Variants in ADAMTS3 observed in about 807,000 individuals in gnomAD.
The protein encoded by ADAMTS3 is A disintegrin and metalloproteinase with thrombospondin motifs 3.
In ADAMTS3, 73 loss-of-function variants were observed where a neutral mutation model predicts 129.0. The observed-to-expected ratio is 0.57, with a 90% CI of 0.47 to 0.69. The LOEUF is 0.69. Among genes scored for constraint, ADAMTS3 ranks in the 30% least tolerant of loss-of-function variants. The probability of loss-of-function intolerance (pLI) is 0.00; values close to 1 mark genes in which losing one functional copy is unlikely to be tolerated. For missense variants in ADAMTS3, 1,457 were observed against 1,514.5 expected (o/e 0.96, Z 0.63); for synonymous variants, 477 against 510.8 (o/e 0.93, Z 0.89).
At chr4:72,482,565 TTTTAGTCA>T (rs1270020665) in intron 3 of ADAMTS3, among the ~76,000 whole-genome samples, 3 of 152,120 alleles carry the variant, frequency 2.0e-5, no homozygotes, top group Non-Finnish European at 4.4e-5. Flanking sequence ...TGAGAAAGCC[TTTTAGTCA>T]TGTAACACAT....
At chr4:72,519,198 G>T (rs1379571690) in intron 3 of ADAMTS3, among the ~76,000 whole-genome samples, 1 of 152,100 alleles carries the variant, frequency 6.6e-6, no homozygotes, top group Non-Finnish European at 1.5e-5. Context: ...AGTTTCTGCC[G>T]AGAGATCCGC....
At chr4:72,549,287 CTGAT>C (rs1721550758) in intron 2 of ADAMTS3, among the ~76,000 whole-genome samples, 1 of 152,064 alleles carries the variant, frequency 6.6e-6, no homozygotes, top group Admixed American at 6.6e-5. Flanking sequence ...AAAAAGAATT[CTGAT>C]TGTTTTCATT....
At position 72,312,326 on chromosome 4, in the gene ADAMTS3, G is replaced by T; in HGVS notation, c.1886C>A (p.Thr629Asn). 5.6e-6 allele frequency: 9 copies of T among 1,613,754 alleles called. No homozygotes were observed. In the South Asian group the frequency reaches 8.8e-5, roughly 16 times the overall value. ...TTCATATGGCAACCAGTGGTGTTTG[G>T]TATTCTGGTATTCAAAGTGGGAGTT... ...QRNSHFEYQN[T>N]KHHWLPYEHP... Residue 629 changes from threonine (T) to asparagine (N), a missense_variant, in exon 13 of 22, where the codon ACC becomes AAC. Thr to Asn is a moderately conservative substitution (Grantham distance 65, BLOSUM62 0). Coordinates refer to ENST00000286657, the MANE Select transcript of ADAMTS3 (RefSeq NM_014243.3).
chr4:72,339,532 C>T lies in ADAMTS3; in HGVS notation c.823G>A (p.Glu275Lys). The change falls in exon 5 of 22, where the codon GAG (glutamate) becomes AAG (lysine). Residue 275 changes from glutamate (E) to lysine (K), a missense_variant. Coordinates refer to ENST00000286657, the MANE Select transcript of ADAMTS3 (RefSeq NM_014243.3). Reference sequence around the variant, plus strand: ...GTCAGGAGGTAGTTTTGGACGTGCTCTTTGCCATGGAAACGGACCACAGAG... The same window carrying T: ...GTCAGGAGGTAGTTTTGGACGTGCTTTTTGCCATGGAAACGGACCACAGAG... ...DDSVVRFHGKEHVQNYLLTLM... is the reference protein window; with the variant it reads ...DDSVVRFHGKKHVQNYLLTLM... The T allele has an allele frequency of 6.2e-7, 1 of 1,613,966 alleles. No individual in the cohort carries two copies.
Position 72,385,837 on chromosome 4 carries a change from C to A in ADAMTS3, c.661+28978G>T, listed in dbSNP as rs181226953. Among the ~76,000 whole-genome samples the A allele has an allele frequency of 9.2e-5, 14 of 152,098 alleles. No homozygotes were observed. In the East Asian group the frequency reaches 2.7e-3, roughly 29 times the overall value. On this transcript the variant is annotated intron_variant, in intron 4 of 21. Coordinates refer to ENST00000286657, the MANE Select transcript of ADAMTS3 (RefSeq NM_014243.3). ...CCATGTAACAAACCTGCACATGTAC[C>A]ACCTGAATCTAAAATAAAAGTTGGG...
intron 5 of ADAMTS3, among the ~76,000 whole-genome samples, chr4:72,328,819 C>A (rs1443500824): frequency 6.6e-6 from 1 of 152,034 alleles, no homozygotes; most frequent in African/African-American, 2.4e-5. Context: ...AACAAGATAG[C>A]CTGAGTGATT....
intron 3 of ADAMTS3, among the ~76,000 whole-genome samples, chr4:72,446,844 T>C (rs1248031147): frequency 6.6e-6 from 1 of 151,614 alleles, no homozygotes; most frequent in Non-Finnish European, 1.5e-5. Flanking sequence ...CCTTCTCTAG[T>C]TTGGCTGAAT....
chr4:72,448,515 T>C (rs903234558), intron 3 of ADAMTS3, among the ~76,000 whole-genome samples: 1 of 151,764 alleles, frequency 6.6e-6, no homozygotes, highest in Non-Finnish European at 1.5e-5. Flanking sequence ...ACTTGGCATG[T>C]CCTGAAATCA....
At chr4:72,325,587 G>A (rs1719678397) in intron 5 of ADAMTS3, among the ~76,000 whole-genome samples, 1 of 152,102 alleles carries the variant, frequency 6.6e-6, no homozygotes, top group African/African-American at 2.4e-5. Context: ...AATGCACTTT[G>A]TGTTAAAATA....
chr4:72,365,916 T>C (rs946555009), intron 4 of ADAMTS3, among the ~76,000 whole-genome samples: 1 of 152,150 alleles, frequency 6.6e-6, no homozygotes, highest in African/African-American at 2.4e-5. Context: ...TTCGAAAACA[T>C]GCAAAGTAAA....
intron 4 of ADAMTS3, among the ~76,000 whole-genome samples, chr4:72,406,250 C>T (rs1022221369): frequency 2.0e-5 from 3 of 152,014 alleles, no homozygotes; most frequent in Non-Finnish European, 4.4e-5. Flanking sequence ...CTAGCAGATA[C>T]CATGCAAAAA....
chr4:72,512,713 C>A (rs994810293), intron 3 of ADAMTS3, among the ~76,000 whole-genome samples: 3 of 152,000 alleles, frequency 2.0e-5, no homozygotes, highest in African/African-American at 7.2e-5. Flanking sequence ...CTCATGCCCC[C>A]CGTAAATATA....
intron 3 of ADAMTS3, among the ~76,000 whole-genome samples, chr4:72,451,483 G>A (rs930635730): frequency 6.6e-6 from 1 of 151,792 alleles, no homozygotes; most frequent in African/African-American, 2.4e-5. Flanking sequence ...AGGCATGGAA[G>A]CACTAGTGGA....
At chr4:72,548,079 C>T (rs11940040) in intron 3 of ADAMTS3, among the ~76,000 whole-genome samples, 47,073 of 152,012 alleles carry the variant, frequency 0.31, 7,475 homozygotes, top group East Asian at 0.42. Context: ...ACTTTCTTTA[C>T]GAGGATATCC....
chr4:72,406,359 T>G (rs1298218187), intron 4 of ADAMTS3, among the ~76,000 whole-genome samples: 1 of 152,190 alleles, frequency 6.6e-6, no homozygotes. Flanking sequence ...AGACATAAGA[T>G]GCATTCAACA....
At chr4:72,323,865 T>C (rs1281081471) in intron 5 of ADAMTS3, among the ~76,000 whole-genome samples, 1 of 152,186 alleles carries the variant, frequency 6.6e-6, no homozygotes, top group African/African-American at 2.4e-5. Context: ...CCAATTCTGT[T>C]TTATACAGAT....
chr4:72,539,613 G>A (rs576239000), intron 3 of ADAMTS3, among the ~76,000 whole-genome samples: 1 of 152,066 alleles, frequency 6.6e-6, no homozygotes, highest in Non-Finnish European at 1.5e-5. Context: ...TGGTCTGGCT[G>A]TGTCCCCACC....
intron 15 of ADAMTS3, among the ~76,000 whole-genome samples, chr4:72,307,264 T>C (rs1176452439): frequency 6.6e-6 from 1 of 152,042 alleles, no homozygotes; most frequent in Non-Finnish European, 1.5e-5. Flanking sequence ...GTTCAGCACT[T>C]TAGCCTGGGG....
intron 3 of ADAMTS3, among the ~76,000 whole-genome samples, chr4:72,517,193 A>G (rs1720512313): frequency 6.6e-6 from 1 of 152,084 alleles, no homozygotes; most frequent in African/African-American, 2.4e-5. Context: ...AGCCCACTTG[A>G]TCATGGTGGA....
Sources: gnomAD v4.1 joint callset for allele counts (sites outside exome capture counted in the v4.1 genomes callset) on GRCh38, gnomAD v4.1.1 for gene constraint, MANE v1.5 for transcripts, NCBI Gene and HGNC (gene_info 2026-07-23, HGNC 2026-07-21) for gene names.